PCDHA2: variants seen among roughly 807,000 people sequenced by gnomAD.
PCDHA2 encodes the protein protocadherin alpha 2.
Under a neutral mutation model 66.0 loss-of-function variants are expected in PCDHA2, and 58 were observed. The ratio of observed to expected loss-of-function variants is 0.88; its 90% CI spans 0.71 to 1.09. The LOEUF is 1.09. Among genes scored for constraint, PCDHA2 ranks in the 50% least tolerant of loss-of-function variants. The pLI is 0.00. For missense variants in PCDHA2, 1,267 were observed against 1,242.3 expected (o/e 1.02, Z -0.30); for synonymous variants, 634 against 554.0 (o/e 1.14, Z -2.03).
chr5:140,828,840 G>C, intron 1 of PCDHA2: 1 of 1,614,210 alleles, frequency 6.2e-7, no homozygotes, highest in Non-Finnish European at 8.5e-7. Flanking sequence ...TACGAAGTAA[G>C]AATATTCGAA....
At chr5:140,883,682 T>G (rs2059750474) in intron 1 of PCDHA2, 1 of 1,613,604 alleles carries the variant, frequency 6.2e-7, no homozygotes. Context: ...TCCGCCGGGC[T>G]GCCACATCTT....
intron 1 of PCDHA2, among the ~76,000 whole-genome samples, chr5:140,922,507 C>G (rs2080870221): frequency 1.3e-5 from 2 of 152,154 alleles, no homozygotes; most frequent in Non-Finnish European, 2.9e-5. Flanking sequence ...AGCAGATGCA[C>G]CATTATTTCA....
At chr5:140,987,316 G>A (rs13153056) in intron 3 of PCDHA2, among the ~76,000 whole-genome samples, 9,624 of 152,218 alleles carry the variant, frequency 0.063, 338 homozygotes, top group East Asian at 0.12. Flanking sequence ...AATGTACTGT[G>A]AAGTTTTAAG....
intron 1 of PCDHA2, chr5:140,875,879 G>A: frequency 6.2e-7 from 1 of 1,614,214 alleles, no homozygotes. Context: ...TTCAGAGAAA[G>A]GGAACAAAAG....
At chr5:140,919,925 G>A (rs2079351459) in intron 1 of PCDHA2, among the ~76,000 whole-genome samples, 1 of 152,124 alleles carries the variant, frequency 6.6e-6, no homozygotes, top group African/African-American at 2.4e-5. Flanking sequence ...AAATTTTCAG[G>A]TGGGGGCTAA....
At chr5:140,804,855 A>G in intron 1 of PCDHA2, 1 of 522,514 alleles carries the variant, frequency 1.9e-6, no homozygotes, top group Non-Finnish European at 3.3e-6. Flanking sequence ...GAGGTCTAAC[A>G]CGTAAAATAG....
chr5:140,829,852 A>C (rs2150176201), intron 1 of PCDHA2: 6 of 1,613,824 alleles, frequency 3.7e-6, no homozygotes, highest in Non-Finnish European at 5.1e-6. Flanking sequence ...CACTGGGTGC[A>C]GGCCAAGTGG....
intron 1 of PCDHA2, chr5:140,810,926 A>T (rs1382106901): frequency 6.6e-6 from 1 of 152,104 alleles, no homozygotes; most frequent in African/African-American, 2.4e-5. Context: ...TTCATTGTTT[A>T]CATTACATCT....
At chr5:140,890,066 C>G (rs1217511895) in intron 1 of PCDHA2, among the ~76,000 whole-genome samples, 1 of 152,148 alleles carries the variant, frequency 6.6e-6, no homozygotes, top group Non-Finnish European at 1.5e-5. Context: ...CTTTTACTGG[C>G]TTATGAGAAC....
At chr5:140,852,896 T>G (rs1554146161) in intron 1 of PCDHA2, 1 of 852,356 alleles carries the variant, frequency 1.2e-6, no homozygotes, top group African/African-American at 1.8e-5. Flanking sequence ...TTTTTTTTTT[T>G]GAGTCAGAGT....
chr5:140,850,275 G>T, intron 1 of PCDHA2: 1 of 1,595,466 alleles, frequency 6.3e-7, no homozygotes, highest in East Asian at 2.2e-5. Flanking sequence ...GGTGGGGAAG[G>T]TGCGCGCAGT....
At chr5:140,936,527 T>G (rs533687361) in intron 1 of PCDHA2, among the ~76,000 whole-genome samples, 3 of 152,368 alleles carry the variant, frequency 2.0e-5, no homozygotes, top group African/African-American at 7.2e-5. Context: ...CTGAAATTGC[T>G]TTTGAATATA....
chr5:140,823,691 C>G, intron 1 of PCDHA2: 1 of 1,613,980 alleles, frequency 6.2e-7, no homozygotes, highest in Non-Finnish European at 8.5e-7. Context: ...CTGGATGAGA[C>G]CGAAGCACCG....
chr5:140,817,480 C>A (rs1051531219), intron 1 of PCDHA2: 2 of 152,168 alleles, frequency 1.3e-5, no homozygotes, highest in Non-Finnish European at 2.9e-5. Flanking sequence ...CCTCTGTTAT[C>A]TTTTTAAGCT....
chr5:140,820,913 T>C lies in PCDHA2; in HGVS notation c.2388+23561T>C, dbSNP rs2150108293. 2.0e-4 allele frequency among the ~76,000 whole-genome samples: 31 copies of C among 152,248 alleles called. No homozygotes were observed. The East Asian group carries it at 3.3e-3, about 16-fold the overall frequency. On this transcript the variant is annotated intron_variant, in intron 1 of 3. Transcript: ENST00000526136. Reference sequence around the variant, plus strand: ...ACGATTTACCAAAGTCGTTCTATTATGCTTTTGATTTCTAGAAAGCTGAAA... The same window carrying C: ...ACGATTTACCAAAGTCGTTCTATTACGCTTTTGATTTCTAGAAAGCTGAAA...
At chr5:140,897,032 T>C (rs2065847458) in intron 1 of PCDHA2, among the ~76,000 whole-genome samples, 2 of 152,146 alleles carry the variant, frequency 1.3e-5, no homozygotes, top group Non-Finnish European at 2.9e-5. Flanking sequence ...ATTTAGACCA[T>C]AGTCACCCTA....
chr5:140,932,704 A>G (rs1365268266), intron 1 of PCDHA2, among the ~76,000 whole-genome samples: 1 of 151,932 alleles, frequency 6.6e-6, no homozygotes, highest in Non-Finnish European at 1.5e-5. Context: ...ACTCATATAG[A>G]CAACACAATA....
intron 1 of PCDHA2, among the ~76,000 whole-genome samples, chr5:140,832,335 G>T (rs1771931725): frequency 1.3e-5 from 2 of 152,204 alleles, no homozygotes; most frequent in African/African-American, 2.4e-5. Flanking sequence ...AGAGGACTGA[G>T]TTGTGGTTTG....
At chr5:140,954,722 G>A (rs1554221565) in intron 1 of PCDHA2, among the ~76,000 whole-genome samples, 1 of 152,092 alleles carries the variant, frequency 6.6e-6, no homozygotes, top group African/African-American at 2.4e-5. Context: ...TCTGTAGGTT[G>A]TCTTTTCACT....
Sources: allele counts gnomAD v4.1 joint callset (sites outside exome capture counted in the v4.1 genomes callset), GRCh38; gene constraint gnomAD v4.1.1; transcripts MANE v1.5; gene names NCBI Gene and HGNC (gene_info 2026-07-23, HGNC 2026-07-21).